Variants in POFUT3 observed in about 807,000 individuals in gnomAD.
POFUT3 encodes GDP-fucose protein O-fucosyltransferase 3.
the POFUT3 span, among the ~76,000 whole-genome samples, chr8:33,419,280 A>C: frequency 8.5e-5 from 13 of 152,228 alleles, no homozygotes; most frequent in Admixed American, 5.2e-4. Flanking sequence ...TTAAATCAGC[A>C]GTCTCCAACC....
the POFUT3 span, among the ~76,000 whole-genome samples, chr8:33,460,188 CA>C: frequency 0.6 from 83,128 of 138,914 alleles, 24,080 homozygotes; most frequent in Middle Eastern, 0.62. Flanking sequence ...GACTCCACCT[CA>C]AAAAAAAAAA....
chr8:33,326,505 G>C, the POFUT3 span, among the ~76,000 whole-genome samples: 1 of 152,094 alleles, frequency 6.6e-6, no homozygotes, highest in Non-Finnish European at 1.5e-5. Flanking sequence ...ACAGTATTCA[G>C]TATTACATAT....
At chr8:33,449,920 G>T in the POFUT3 span, among the ~76,000 whole-genome samples, 3 of 149,126 alleles carry the variant, frequency 2.0e-5, no homozygotes. Flanking sequence ...TTAAAGGAGG[G>T]GTTATGAAGC....
the POFUT3 span, among the ~76,000 whole-genome samples, chr8:33,407,987 C>CAAAAAAA: frequency 2.4e-5 from 2 of 83,764 alleles, no homozygotes; most frequent in Admixed American, 1.5e-4. Context: ...GACTCCATCT[C>CAAAAAAA]AAAAAAAAAA....
chr8:33,399,731 T>C, the POFUT3 span, among the ~76,000 whole-genome samples: 2 of 151,982 alleles, frequency 1.3e-5, no homozygotes, highest in Non-Finnish European at 2.9e-5. Context: ...CTCAGCTCAC[T>C]GCAACCTCCC....
the POFUT3 span, among the ~76,000 whole-genome samples, chr8:33,337,757 A>G: frequency 6.6e-6 from 1 of 152,256 alleles, no homozygotes; most frequent in Non-Finnish European, 1.5e-5. Flanking sequence ...ATGAAGAAAC[A>G]GAAAATCCAA....
chr8:33,318,731 TTA>T, the POFUT3 span, among the ~76,000 whole-genome samples: 4 of 75,268 alleles, frequency 5.3e-5, no homozygotes, highest in African/African-American at 2.2e-4. Context: ...TATATATATT[TTA>T]TATATATTTA....
the POFUT3 span, among the ~76,000 whole-genome samples, chr8:33,407,701 C>G: frequency 2.0e-5 from 3 of 152,148 alleles, no homozygotes; most frequent in African/African-American, 7.2e-5. Flanking sequence ...TAGCTGAGAG[C>G]CTTAAGTTAA....
the POFUT3 span, among the ~76,000 whole-genome samples, chr8:33,316,531 G>A: frequency 2.6e-4 from 40 of 151,060 alleles, no homozygotes; most frequent in East Asian, 3.2e-3. Flanking sequence ...GACCAGGCTG[G>A]CCAACATGGC....
chr8:33,395,739 T>C, the POFUT3 span, among the ~76,000 whole-genome samples: 83 of 152,204 alleles, frequency 5.5e-4, no homozygotes, highest in Non-Finnish European at 1.0e-3. Flanking sequence ...ACATGCCCTC[T>C]GGGGCTTCAG....
the POFUT3 span, among the ~76,000 whole-genome samples, chr8:33,441,537 T>C: frequency 6.6e-6 from 1 of 151,820 alleles, no homozygotes; most frequent in Admixed American, 6.6e-5. Context: ...TGCACCACCA[T>C]GCCCAGCTAA....
the POFUT3 span, among the ~76,000 whole-genome samples, chr8:33,448,728 G>A: frequency 2.0e-5 from 3 of 152,122 alleles, no homozygotes; most frequent in Admixed American, 6.5e-5. Flanking sequence ...GAGGTCAGGA[G>A]TTCAAGACCA....
At chr8:33,382,890 C>T in the POFUT3 span, among the ~76,000 whole-genome samples, 4 of 152,254 alleles carry the variant, frequency 2.6e-5, no homozygotes, top group Admixed American at 6.5e-5. Flanking sequence ...TACACCTCAC[C>T]TCCTTCCATG....
the POFUT3 span, among the ~76,000 whole-genome samples, chr8:33,328,757 T>C: frequency 6.6e-6 from 1 of 152,102 alleles, no homozygotes; most frequent in Non-Finnish European, 1.5e-5. Flanking sequence ...GTCAGAGAGA[T>C]GTAGAACACT....
At chr8:33,379,173 C>T in the POFUT3 span, among the ~76,000 whole-genome samples, 11 of 152,180 alleles carry the variant, frequency 7.2e-5, no homozygotes, top group Admixed American at 6.5e-4. Flanking sequence ...TTCCCAAGAC[C>T]TCCCTCGCCA....
chr8:33,389,011 C>T, the POFUT3 span: 2 of 1,614,214 alleles, frequency 1.2e-6, no homozygotes, highest in Non-Finnish European at 1.7e-6. Context: ...ACACCATACA[C>T]TCAAATGCAT....
chr8:33,441,431 A>G, the POFUT3 span, among the ~76,000 whole-genome samples: 3 of 120,670 alleles, frequency 2.5e-5, 1 homozygote, highest in Non-Finnish European at 4.8e-5. Flanking sequence ...ACCAGGCTGG[A>G]GTGCAATGGT....
the POFUT3 span, among the ~76,000 whole-genome samples, chr8:33,408,909 C>T: frequency 6.6e-6 from 1 of 151,950 alleles, no homozygotes; most frequent in Admixed American, 6.6e-5. Context: ...TCACCAACTG[C>T]ACACTTAAAA....
At chr8:33,334,196 C>T in the POFUT3 span, among the ~76,000 whole-genome samples, 1 of 152,066 alleles carries the variant, frequency 6.6e-6, no homozygotes, top group East Asian at 1.9e-4. Context: ...TAAGAATCCC[C>T]TGGTGACCCT....
Sources: gnomAD v4.1 joint callset for allele counts (sites outside exome capture counted in the v4.1 genomes callset) on GRCh38, gnomAD v4.1.1 for gene constraint, MANE v1.5 for transcripts, NCBI Gene and HGNC (gene_info 2026-07-23, HGNC 2026-07-21) for gene names.